Variants in EPHA5 observed in about 807,000 individuals in gnomAD.
EPHA5 encodes EPH receptor A5.
A neutral mutation model predicts 105.0 loss-of-function variants in EPHA5; 60 were observed. The observed-to-expected ratio is 0.57, with a 90% CI of 0.46 to 0.71. The LOEUF is 0.71. Among genes scored for constraint, EPHA5 ranks in the 30% least tolerant of loss-of-function variants. The pLI, the probability that EPHA5 is intolerant of heterozygous loss-of-function variation, is 0.00. For missense variants in EPHA5, 1,218 were observed against 1,274.7 expected (o/e 0.96, Z 0.68); for synonymous variants, 513 against 449.1 (o/e 1.14, Z -1.80).
At chr4:65,465,708 G>A (rs147241696) in intron 5 of EPHA5, among the ~76,000 whole-genome samples, 2 of 152,110 alleles carry the variant, frequency 1.3e-5, no homozygotes, top group South Asian at 4.1e-4. Context: ...CTATGTAGTA[G>A]TAGTATCTTT....
intron 1 of EPHA5, among the ~76,000 whole-genome samples, chr4:65,665,864 A>G (rs1338495056): frequency 6.6e-6 from 1 of 152,178 alleles, no homozygotes; most frequent in Non-Finnish European, 1.5e-5. Context: ...TCAACAATCT[A>G]TGATTCAAAT....
chr4:65,623,067 A>C (rs1745843825), intron 2 of EPHA5, among the ~76,000 whole-genome samples: 1 of 152,120 alleles, frequency 6.6e-6, no homozygotes. Context: ...TAGCAGTCCC[A>C]TATTACTTCT....
intron 5 of EPHA5, among the ~76,000 whole-genome samples, chr4:65,465,539 A>T: frequency 1.5e-5 from 1 of 66,046 alleles, no homozygotes; most frequent in African/African-American, 7.1e-5. Flanking sequence ...AAAGAAAGGA[A>T]AGGAAGGAAA....
At chr4:65,565,857 C>T (rs759693197) in intron 3 of EPHA5, among the ~76,000 whole-genome samples, 21 of 151,536 alleles carry the variant, frequency 1.4e-4, no homozygotes, top group Non-Finnish European at 2.2e-4. Context: ...TTTGAATAAA[C>T]ACTTTTTATT....
chr4:65,364,734 T>TA (rs5858957), intron 11 of EPHA5, among the ~76,000 whole-genome samples: 12 of 150,488 alleles, frequency 8.0e-5, no homozygotes, highest in South Asian at 4.2e-4. Context: ...AGCCAATAGT[T>TA]AAAAAAAAAG....
chr4:65,373,220 G>A (rs1292662823), intron 8 of EPHA5, among the ~76,000 whole-genome samples: 1 of 151,802 alleles, frequency 6.6e-6, no homozygotes, highest in Non-Finnish European at 1.5e-5. Flanking sequence ...ATAGTTTGGA[G>A]CAGTTCGTGA....
chr4:65,345,778 CT>C (rs36012642), intron 14 of EPHA5, among the ~76,000 whole-genome samples: 1 of 150,942 alleles, frequency 6.6e-6, no homozygotes, highest in Admixed American at 6.6e-5. Context: ...CTTTTCTTTT[CT>C]TTTTTTTTCT....
At chr4:65,421,848 A>G (rs1286492802) in intron 5 of EPHA5, among the ~76,000 whole-genome samples, 1 of 152,120 alleles carries the variant, frequency 6.6e-6, no homozygotes, top group African/African-American at 2.4e-5. Flanking sequence ...TGGATGGATG[A>G]ATGAATGGCA....
chr4:65,358,621 C>CA (rs1315119563), intron 11 of EPHA5, among the ~76,000 whole-genome samples: 1 of 151,390 alleles, frequency 6.6e-6, no homozygotes, highest in Non-Finnish European at 1.5e-5. Flanking sequence ...GGGGAAAAAA[C>CA]AAAACAACAA....
intron 11 of EPHA5, among the ~76,000 whole-genome samples, chr4:65,358,653 C>T (rs1292152013): frequency 6.6e-6 from 1 of 151,470 alleles, no homozygotes; most frequent in Non-Finnish European, 1.5e-5. Flanking sequence ...AACTATGAGA[C>T]AGAACTTAGA....
chr4:65,624,183 T>C (rs1165570387), intron 2 of EPHA5, among the ~76,000 whole-genome samples: 3 of 152,080 alleles, frequency 2.0e-5, no homozygotes, highest in African/African-American at 7.2e-5. Context: ...TTTATGATAA[T>C]AAAGGTAATA....
At chr4:65,582,385 T>A (rs1741712503) in intron 3 of EPHA5, among the ~76,000 whole-genome samples, 1 of 151,430 alleles carries the variant, frequency 6.6e-6, no homozygotes, top group Non-Finnish European at 1.5e-5. Context: ...CAAAGTCAGG[T>A]ATTCTTTGCT....
chr4:65,325,470 A>G (rs957569258), intron 16 of EPHA5, among the ~76,000 whole-genome samples: 1 of 127,122 alleles, frequency 7.9e-6, no homozygotes, highest in African/African-American at 2.7e-5. Flanking sequence ...CTACCCCCCC[A>G]AAAAAATGCT....
At chr4:65,521,358 A>G (rs560819321) in intron 3 of EPHA5, among the ~76,000 whole-genome samples, 1 of 152,148 alleles carries the variant, frequency 6.6e-6, no homozygotes, top group Non-Finnish European at 1.5e-5. Context: ...GGAACATCAC[A>G]CACCAGAGCC....
chr4:65,558,166 C>T (rs1174041829), intron 3 of EPHA5, among the ~76,000 whole-genome samples: 1 of 152,070 alleles, frequency 6.6e-6, no homozygotes, highest in African/African-American at 2.4e-5. Context: ...TGTGAGGCAC[C>T]ACACCTGGCC....
At chr4:65,451,173 A>G (rs1433334334) in intron 5 of EPHA5, among the ~76,000 whole-genome samples, 1 of 152,128 alleles carries the variant, frequency 6.6e-6, no homozygotes, top group Non-Finnish European at 1.5e-5. Flanking sequence ...TTTCTGTGAG[A>G]TATCTTGCAT....
intron 2 of EPHA5, among the ~76,000 whole-genome samples, chr4:65,611,554 A>G (rs1241083056): frequency 1.3e-5 from 2 of 150,392 alleles, no homozygotes; most frequent in Admixed American, 1.3e-4. Flanking sequence ...GTTTCAGTAA[A>G]CCATGTGCAA....
intron 1 of EPHA5, among the ~76,000 whole-genome samples, chr4:65,654,272 C>T (rs551535415): frequency 9.2e-5 from 14 of 151,602 alleles, no homozygotes; most frequent in South Asian, 2.1e-4. Context: ...ATTTTTAAGC[C>T]GCTGTTGGAT....
At chr4:65,371,994 A>G (rs2148907171) in intron 8 of EPHA5, among the ~76,000 whole-genome samples, 1 of 152,076 alleles carries the variant, frequency 6.6e-6, no homozygotes, top group East Asian at 1.9e-4. Context: ...AAAATATTCA[A>G]AAAGCAACAA....
Sources: gnomAD v4.1 joint callset for allele counts (sites outside exome capture counted in the v4.1 genomes callset) on GRCh38, gnomAD v4.1.1 for gene constraint, MANE v1.5 for transcripts, NCBI Gene and HGNC (gene_info 2026-07-23, HGNC 2026-07-21) for gene names.